The following NKIRAS1 variants were observed in gnomAD, a reference collection of about 807,000 sequenced individuals.
NKIRAS1 encodes NFKB inhibitor interacting Ras like 1.
In NKIRAS1, 16 loss-of-function variants were observed where a neutral mutation model predicts 19.8. The ratio of observed to expected loss-of-function variants is 0.81; its 90% CI spans 0.55 to 1.23. The LOEUF is 1.23. NKIRAS1 is among the 50% of genes most tolerant of loss of function. The pLI, the probability that NKIRAS1 is intolerant of heterozygous loss-of-function variation, is 0.00. For missense variants in NKIRAS1, 184 were observed against 220.0 expected, an observed-to-expected ratio of 0.84 and a Z score of 1.04; for synonymous variants, 88 against 79.0, an observed-to-expected ratio of 1.11 and a Z score of -0.61.
intron 3 of NKIRAS1, among the ~76,000 whole-genome samples, chr3:23,902,168 CTA>C (rs1437539549): frequency 6.6e-6 from 1 of 152,128 alleles, no homozygotes; most frequent in African/African-American, 2.4e-5. Context: ...CCCAATCATA[CTA>C]TGTTATAGTT....
chr3:23,921,455 C>T (rs1044314500), upstream of NKIRAS1: 2 of 613,842 alleles, frequency 3.3e-6, no homozygotes, highest in Non-Finnish European at 5.7e-6. Context: ...GAAAGCTTTA[C>T]TCCAATATTA....
intron 4 of NKIRAS1, among the ~76,000 whole-genome samples, chr3:23,898,853 G>T (rs1702233472): frequency 6.6e-6 from 1 of 152,194 alleles, no homozygotes; most frequent in Non-Finnish European, 1.5e-5. Context: ...CAGGGAGCAA[G>T]CAAGCATTAC....
In NKIRAS1 at chr3:23,892,573, A is replaced by G. The variant is rs1179987024; in HGVS notation, c.*522T>C. 2.0e-5 allele frequency: 3 copies of G among 152,254 alleles called. No homozygotes were observed. The highest frequency in any genetic ancestry group is 7.2e-5 in the African/African-American group (3 of 41,438). 9.4% of individuals were successfully genotyped at this position (152,254 alleles called of 1,614,324 possible). A position where few individuals can be genotyped will look rare whatever the true frequency, so the allele number is the denominator to read the frequency against. ...ATCATGGGTCTTAGTCTGTTTAGCA[A>G]AATCTCCACAAGATGAAATTTAGCT... is the stretch of plus-strand genomic sequence containing the variant. On this transcript the variant is annotated 3_prime_UTR_variant, in exon 5 of 5. Coordinates refer to ENST00000425478, the MANE Select transcript of NKIRAS1 (RefSeq NM_020345.4).
chr3:23,915,042 G>A (rs752505766), intron 1 of NKIRAS1, among the ~76,000 whole-genome samples: 1 of 152,156 alleles, frequency 6.6e-6, no homozygotes, highest in Non-Finnish European at 1.5e-5. Context: ...CAAAGATATC[G>A]TAATCCCCCA....
intron 3 of NKIRAS1, among the ~76,000 whole-genome samples, chr3:23,901,899 C>A (rs1485231239): frequency 1.3e-5 from 2 of 152,216 alleles, no homozygotes; most frequent in Admixed American, 1.3e-4. Context: ...ATGGCCAAAC[C>A]CCATCTCAAC....
intron 4 of NKIRAS1, among the ~76,000 whole-genome samples, chr3:23,899,453 CTGTT>C (rs1193627229): frequency 2.0e-5 from 3 of 152,126 alleles, no homozygotes; most frequent in Non-Finnish European, 2.9e-5. Context: ...TTTGTTGTTG[CTGTT>C]TGTTTTGTTT....
intron 4 of NKIRAS1, among the ~76,000 whole-genome samples, chr3:23,898,586 G>T (rs66609380): frequency 0.13 from 19,580 of 151,946 alleles, 1,747 homozygotes; most frequent in African/African-American, 0.24. Flanking sequence ...TGGGATTACA[G>T]GCGTGTGCTA....
Position 23,926,410 on chromosome 3 carries a change from C to CTCCTCCT in NKIRAS1, c.-139-14967_-139-14961dup, listed in dbSNP as rs1282131512. Reference sequence around the variant, plus strand: ...TATTTCTTCTTCTTTCTTCTTCCTCCTCCTCCTTCCTCCTCCTCCTCTTGC... The same window carrying CTCCTCCT: ...TATTTCTTCTTCTTTCTTCTTCCTCCTCCTCCTTCCTCCTTCCTCCTCCTCCTCTTGC... On this transcript the variant is annotated intron_variant, in intron 1 of 4. Coordinates refer to the NKIRAS1 transcript ENST00000421515. The surrounding 1 kb of genome is among the most constrained non-coding windows in gnomAD (Gnocchi z 4.3). 1.3e-5 allele frequency among the ~76,000 whole-genome samples: 2 copies of CTCCTCCT among 151,900 alleles called. No homozygotes were observed. Among genetic ancestry groups the CTCCTCCT allele is most frequent in the African/African-American group, 4.8e-5 (2 of 41,326 alleles).
chr3:23,897,709 C>G (rs996507357), intron 4 of NKIRAS1, among the ~76,000 whole-genome samples: 1 of 152,164 alleles, frequency 6.6e-6, no homozygotes, highest in South Asian at 2.1e-4. Flanking sequence ...TCCCTCCTTA[C>G]CTCCTTCAAA....
chr3:23,937,578 AG>A, intron 1 of NKIRAS1, among the ~76,000 whole-genome samples: 1 of 151,414 alleles, frequency 6.6e-6, no homozygotes, highest in Non-Finnish European at 1.5e-5. Context: ...CCCTCACCCC[AG>A]GGAAAAAGTA....
chr3:23,892,106 G>A lies in NKIRAS1; in HGVS notation c.*989C>T, dbSNP rs1701512748. On this transcript the variant is annotated 3_prime_UTR_variant, in exon 5 of 5. Transcript: ENST00000425478. ...TTGATGTTTTAATATGTTCTTTGTT[G>A]AATAGCTTATTTTACATTTCAGTCA... 1 of 152,108 alleles carries A rather than the reference G, an allele frequency of 6.6e-6. No homozygotes were observed. Among genetic ancestry groups the A allele is most frequent in the African/African-American group, 2.4e-5 (1 of 41,408 alleles). The allele number at this position is 152,108 out of a possible 1,614,324, so 9.4% of individuals were successfully genotyped here. A position where few individuals can be genotyped will look rare whatever the true frequency, so the allele number is the denominator to read the frequency against.
intron 1 of NKIRAS1, among the ~76,000 whole-genome samples, chr3:23,941,822 A>C (rs1431631985): frequency 6.6e-6 from 1 of 152,206 alleles, no homozygotes; most frequent in African/African-American, 2.4e-5. Flanking sequence ...GCTGAGGCTC[A>C]TAGACACTGA....
chr3:23,919,491 G>T, upstream of NKIRAS1: 1 of 1,569,552 alleles, frequency 6.4e-7, no homozygotes, highest in Non-Finnish European at 8.6e-7. Flanking sequence ...CAGCTCCACC[G>T]TTACCGCTAA....
intron 1 of NKIRAS1, chr3:23,945,471 G>C: frequency 1.6e-6 from 1 of 624,958 alleles, no homozygotes; most frequent in Non-Finnish European, 2.1e-6. Flanking sequence ...AGGGGGCCCC[G>C]CGACCACCGC....
chr3:23,908,606 T>C (rs1384605681), intron 3 of NKIRAS1, among the ~76,000 whole-genome samples: 1 of 152,210 alleles, frequency 6.6e-6, no homozygotes, highest in Non-Finnish European at 1.5e-5. Context: ...TTTCATAAAG[T>C]TATTTTAGGA....
chr3:23,910,751 A>G lies in NKIRAS1; in HGVS notation c.94+60T>C, dbSNP rs12107726. The stretch of plus-strand genomic sequence containing the variant: ...CAACCACCTTTAGTTTAGCATGACC[A>G]ACAAAAGACCCCTGATAGCTCCCAG... On this transcript the variant is annotated intron_variant, in intron 3 of 4. Transcript: ENST00000425478. The G allele has an allele frequency of 3.0e-3, 3,840 of 1,281,828 alleles. 102 individuals are homozygous for G. In the African/African-American group the frequency reaches 0.051, roughly 17 times the overall value. 79.4% of individuals were successfully genotyped at this position (1,281,828 alleles called of 1,614,324 possible).
chr3:23,905,938 T>C (rs1703000138), intron 3 of NKIRAS1, among the ~76,000 whole-genome samples: 1 of 151,882 alleles, frequency 6.6e-6, no homozygotes, highest in Admixed American at 6.6e-5. Flanking sequence ...GCAGGCAGAT[T>C]GCTTGAGGCC....
rs7635616 is a variant in NKIRAS1, at chr3:23,930,730, G to A, written c.-140+15593C>T. Among the ~76,000 whole-genome samples the A allele has an allele frequency of 2.7e-3, 412 of 152,056 alleles. 1 individual carries two copies. Among genetic ancestry groups the A allele is most frequent in the Non-Finnish European group, 4.3e-3 (294 of 67,982 alleles). ...TTTTTTTATTTTCTGAGACAGGGTC[G>A]TACTCTGTCACCCAGGCACAATTGT... On this transcript the variant is annotated intron_variant, in intron 1 of 4. Transcript: ENST00000421515.
intron 1 of NKIRAS1, among the ~76,000 whole-genome samples, chr3:23,914,059 G>A (rs1005341262): frequency 6.6e-6 from 1 of 152,056 alleles, no homozygotes; most frequent in Non-Finnish European, 1.5e-5. Flanking sequence ...CTAAGAGAAC[G>A]TGCTTAATAG....
Sources: gnomAD v4.1 joint callset for allele counts (sites outside exome capture counted in the v4.1 genomes callset) on GRCh38, gnomAD v4.1.1 for gene constraint, Gnocchi (gnomAD v3.1) non-coding constraint, MANE v1.5 for transcripts, NCBI Gene and HGNC (gene_info 2026-07-23, HGNC 2026-07-21) for gene names.